The following SPATS2L variants were observed in gnomAD, a reference collection of about 807,000 sequenced individuals.
SPATS2L encodes the protein SPATS2-like protein.
SPATS2L carries 30 observed loss-of-function variants against 59.6 expected under a neutral mutation model. The observed-to-expected ratio is 0.50, with a 90% CI of 0.38 to 0.68. SPATS2L has a LOEUF of 0.68. Ranked by LOEUF, SPATS2L falls within the 30% of genes least tolerant of loss-of-function variation. SPATS2L has a pLI of 0.00. For missense variants in SPATS2L, 615 were observed against 700.0 expected (o/e 0.88, Z 1.37); for synonymous variants, 252 against 263.5 (o/e 0.96, Z 0.42).
At chr2:200,392,418 G>A (rs569379944) in intron 3 of SPATS2L, among the ~76,000 whole-genome samples, 4 of 152,262 alleles carry the variant, frequency 2.6e-5, no homozygotes, top group Admixed American at 2.6e-4. Flanking sequence ...CACATACCTT[G>A]CCCTGTGTAT....
At chr2:200,435,243 A>ATTTGTGTATATAAT (rs1254059819) in intron 6 of SPATS2L, among the ~76,000 whole-genome samples, 4 of 152,142 alleles carry the variant, frequency 2.6e-5, no homozygotes, top group Non-Finnish European at 5.9e-5. Flanking sequence ...ATTATATACC[A>ATTTGTGTATATAAT]TTTGTGTGTA....
intron 2 of SPATS2L, among the ~76,000 whole-genome samples, chr2:200,359,534 C>A (rs2081028779): frequency 6.6e-6 from 1 of 152,226 alleles, no homozygotes; most frequent in Non-Finnish European, 1.5e-5. Flanking sequence ...TCTCTGTCTT[C>A]CAATGACTAA....
At chr2:200,308,447 A>G (rs190121863) in intron 1 of SPATS2L, among the ~76,000 whole-genome samples, 105 of 152,304 alleles carry the variant, frequency 6.9e-4, no homozygotes, top group African/African-American at 2.4e-3. Context: ...GGAAAAATCA[A>G]CTTTGGGAAT....
At chr2:200,328,357 T>C (rs1379340750) in intron 1 of SPATS2L, among the ~76,000 whole-genome samples, 1 of 152,192 alleles carries the variant, frequency 6.6e-6, no homozygotes. Flanking sequence ...TCAATGTTTG[T>C]TGGCTAAATG....
At chr2:200,473,084 A>T (rs748634889) in intron 12 of SPATS2L, 32 bp downstream of exon 12, 6 of 511,602 alleles carry the variant, frequency 1.2e-5, no homozygotes, top group African/African-American at 2.9e-5. Context: ...GTGCCAGAGG[A>T]AAAAAAAAAA....
At chr2:200,440,927 C>T (rs2084654549) in intron 8 of SPATS2L, 143 bp downstream of exon 8, 1 of 741,626 alleles carries the variant, frequency 1.3e-6, no homozygotes, top group South Asian at 2.5e-5. Flanking sequence ...GCCCTGCAGG[C>T]AGTAGCATGT....
chr2:200,360,929 C>A (rs2081077448), intron 2 of SPATS2L, among the ~76,000 whole-genome samples: 1 of 150,564 alleles, frequency 6.6e-6, no homozygotes, highest in East Asian at 2.0e-4. Flanking sequence ...CATCTGGTTT[C>A]CCAATGGTAG....
intron 8 of SPATS2L, among the ~76,000 whole-genome samples, chr2:200,443,168 C>G (rs1295023022): frequency 6.6e-6 from 1 of 152,146 alleles, no homozygotes; most frequent in Non-Finnish European, 1.5e-5. Flanking sequence ...GCCTCTGTTC[C>G]AAATGAGCTT....
At chr2:200,315,617 G>A (rs189261985) in intron 1 of SPATS2L, among the ~76,000 whole-genome samples, 16 of 152,234 alleles carry the variant, frequency 1.1e-4, no homozygotes, top group African/African-American at 3.6e-4. Flanking sequence ...CGAATATTAT[G>A]CACACCATAC....
chr2:200,425,137 C>G (rs867894023), intron 6 of SPATS2L, among the ~76,000 whole-genome samples: 1,600 of 112,348 alleles, frequency 0.014, 128 homozygotes, highest in African/African-American at 0.044. Flanking sequence ...CGCCCCCCCC[C>G]CCCCCCGCCA....
chr2:200,321,668 C>T (rs2079563424), intron 1 of SPATS2L, among the ~76,000 whole-genome samples: 1 of 152,110 alleles, frequency 6.6e-6, no homozygotes. Context: ...CAGCTGATAT[C>T]GTTTACATTA....
At chr2:200,314,528 G>A (rs1001366770) in intron 1 of SPATS2L, among the ~76,000 whole-genome samples, 5 of 152,120 alleles carry the variant, frequency 3.3e-5, no homozygotes, top group Non-Finnish European at 7.3e-5. Context: ...TCCTTCAGAG[G>A]AGTTTCTGCA....
intron 2 of SPATS2L, among the ~76,000 whole-genome samples, chr2:200,387,544 AAG>A (rs2082029501): frequency 6.6e-6 from 1 of 152,226 alleles, no homozygotes; most frequent in East Asian, 1.9e-4. Flanking sequence ...GCGTATTACC[AAG>A]CTTTCATCCT....
upstream of SPATS2L, chr2:200,306,206 C>A: frequency 1.0e-6 from 1 of 1,001,926 alleles, no homozygotes; most frequent in Non-Finnish European, 1.2e-6. Flanking sequence ...GAGCTTGGAT[C>A]CTCTCCAGAA....
chr2:200,359,537 A>G (rs1009985080), intron 2 of SPATS2L, among the ~76,000 whole-genome samples: 1 of 152,176 alleles, frequency 6.6e-6, no homozygotes, highest in Admixed American at 6.5e-5. Flanking sequence ...CTGTCTTCCA[A>G]TGACTAACAT....
At chr2:200,456,995 C>T (rs1006412140) in intron 8 of SPATS2L, among the ~76,000 whole-genome samples, 4 of 152,038 alleles carry the variant, frequency 2.6e-5, no homozygotes, top group African/African-American at 7.2e-5. Context: ...AGAATGTCGT[C>T]GTGCTGAGTT....
chr2:200,322,528 A>G (rs928028791), intron 1 of SPATS2L, among the ~76,000 whole-genome samples: 3 of 152,250 alleles, frequency 2.0e-5, no homozygotes, highest in East Asian at 3.8e-4. Flanking sequence ...GACAAAGTAT[A>G]CTAGGATAAG....
chr2:200,458,777 C>T (rs1035490266), intron 8 of SPATS2L, among the ~76,000 whole-genome samples: 7 of 151,734 alleles, frequency 4.6e-5, no homozygotes, highest in African/African-American at 1.5e-4. Flanking sequence ...AATTTGAATA[C>T]TAAGTAGATA....
chr2:200,387,280 T>C (rs144955545), intron 2 of SPATS2L, among the ~76,000 whole-genome samples: 7 of 152,334 alleles, frequency 4.6e-5, no homozygotes, highest in African/African-American at 1.4e-4. Flanking sequence ...ATATGCCAAG[T>C]CCAGGGATAT....
Sources: gnomAD v4.1 joint callset for allele counts (sites outside exome capture counted in the v4.1 genomes callset) on GRCh38, gnomAD v4.1.1 for gene constraint, MANE v1.5 for transcripts, NCBI Gene and HGNC (gene_info 2026-07-23, HGNC 2026-07-21) for gene names.